The following GRID2 variants were observed in gnomAD, a reference collection of about 807,000 sequenced individuals.
GRID2 encodes the protein glutamate ionotropic receptor delta type subunit 2, also known as glutamate receptor ionotropic, delta-2.
In GRID2, 33 loss-of-function variants were observed where a neutral mutation model predicts 114.8. That is an observed-to-expected ratio of 0.29 (90% CI 0.22 to 0.38). The LOEUF is 0.38. Ranked by LOEUF, GRID2 falls within the 10% of genes least tolerant of loss-of-function variation. The pLI is 1.00. For synonymous variants in GRID2, 505 were observed against 449.9 expected (o/e 1.12, Z -1.55); for missense variants, 1,184 against 1,257.7 (o/e 0.94, Z 0.89).
chr4:92,611,688 G>A (rs1257916720), intron 2 of GRID2, among the ~76,000 whole-genome samples: 2 of 151,422 alleles, frequency 1.3e-5, no homozygotes, highest in Non-Finnish European at 3.0e-5. Context: ...TCACATTTTT[G>A]CCACTTTTGT....
chr4:92,627,769 T>C (rs1173266240), intron 2 of GRID2, among the ~76,000 whole-genome samples: 1 of 152,172 alleles, frequency 6.6e-6, no homozygotes, highest in Non-Finnish European at 1.5e-5. Context: ...CAACACACTT[T>C]TAGGTTTGCC....
intron 2 of GRID2, among the ~76,000 whole-genome samples, chr4:93,056,941 T>C (rs1167593543): frequency 1.3e-5 from 2 of 152,036 alleles, no homozygotes; most frequent in African/African-American, 4.8e-5. Flanking sequence ...AGGATCATTA[T>C]AATAGAAAAT....
intron 2 of GRID2, among the ~76,000 whole-genome samples, chr4:92,758,501 A>C (rs1737837612): frequency 6.6e-6 from 1 of 152,092 alleles, no homozygotes; most frequent in Non-Finnish European, 1.5e-5. Flanking sequence ...GCCTGACTAC[A>C]ACAGGTTAAA....
chr4:93,478,620 C>T (rs916677723), intron 11 of GRID2, among the ~76,000 whole-genome samples: 1 of 151,268 alleles, frequency 6.6e-6, no homozygotes, highest in African/African-American at 2.4e-5. Flanking sequence ...TAACTAACTA[C>T]ATATTAAATT....
chr4:92,527,234 C>A (rs983974202), intron 1 of GRID2, among the ~76,000 whole-genome samples: 2 of 152,080 alleles, frequency 1.3e-5, no homozygotes, highest in Admixed American at 1.3e-4. Flanking sequence ...TAACCTCTTA[C>A]AATTTGAATA....
intron 4 of GRID2, among the ~76,000 whole-genome samples, chr4:93,118,721 G>A (rs933862996): frequency 6.6e-6 from 1 of 152,102 alleles, no homozygotes; most frequent in Non-Finnish European, 1.5e-5. Flanking sequence ...GGCAAATGAA[G>A]CTGGAAAGAA....
intron 1 of GRID2, among the ~76,000 whole-genome samples, chr4:92,437,871 G>A (rs1732815217): frequency 6.6e-6 from 1 of 152,142 alleles, no homozygotes; most frequent in African/African-American, 2.4e-5. Context: ...TAGATGTTTT[G>A]TTGCTTATTA....
At chr4:93,352,764 C>T (rs1193610193) in intron 8 of GRID2, among the ~76,000 whole-genome samples, 1 of 151,988 alleles carries the variant, frequency 6.6e-6, no homozygotes, top group African/African-American at 2.4e-5. Flanking sequence ...TAAATGTATT[C>T]CTAAAGAGCA....
intron 13 of GRID2, among the ~76,000 whole-genome samples, chr4:93,520,417 T>G (rs1221877704): frequency 1.3e-5 from 2 of 151,894 alleles, no homozygotes; most frequent in African/African-American, 4.8e-5. Context: ...GAGAAACTGA[T>G]GTTTGAATGG....
intron 14 of GRID2, among the ~76,000 whole-genome samples, chr4:93,740,406 T>G (rs906419855): frequency 3.3e-5 from 5 of 152,174 alleles, no homozygotes; most frequent in African/African-American, 1.2e-4. Flanking sequence ...CTGGGTAGTT[T>G]TTGGGAACTG....
At chr4:93,671,596 A>T (rs978951438) in intron 14 of GRID2, among the ~76,000 whole-genome samples, 1 of 152,188 alleles carries the variant, frequency 6.6e-6, no homozygotes, top group African/African-American at 2.4e-5. Flanking sequence ...CCTCACAGGG[A>T]TGTTTGTCAA....
In GRID2 at chr4:92,806,166, G is replaced by GACACACACACAC. The variant is rs56070810; in HGVS notation, c.244+215915_244+215926dup. On this transcript the variant is annotated intron_variant, in intron 2 of 15. Coordinates refer to ENST00000282020, the MANE Select transcript of GRID2 (RefSeq NM_001510.4). ...CAAATCTATTAGAAAATAGGCTATC[G>GACACACACACAC]ACACACACACACACACACACACACA... is the stretch of plus-strand genomic sequence containing the variant. Among the ~76,000 whole-genome samples, 200 of 133,328 alleles carry GACACACACACAC rather than the reference G, an allele frequency of 1.5e-3. 1 individual carries two copies. The highest frequency in any genetic ancestry group is 5.1e-3 in the African/African-American group (185 of 36,366). The allele number at this position is 133,328 out of a possible 152,430, so 87.5% of individuals were successfully genotyped here. A position where few individuals can be genotyped will look rare whatever the true frequency, so the allele number is the denominator to read the frequency against.
chr4:93,283,736 G>T (rs973083423), intron 8 of GRID2, among the ~76,000 whole-genome samples: 4 of 152,010 alleles, frequency 2.6e-5, no homozygotes, highest in African/African-American at 9.7e-5. Flanking sequence ...TTCAAAATAT[G>T]TAAATCCCCA....
rs929960469 is a variant in GRID2 at position 93,681,029 on chromosome 4, C to G, written c.2360+54594C>G. Among the ~76,000 whole-genome samples, 16 of 151,514 alleles carry G rather than the reference C, an allele frequency of 1.1e-4. 1 individual carries two copies. The highest frequency in any genetic ancestry group is 3.7e-4 in the African/African-American group (15 of 40,994). On this transcript the variant is annotated intron_variant, in intron 14 of 15. Coordinates refer to ENST00000282020, the MANE Select transcript of GRID2 (RefSeq NM_001510.4). ...ATGACATGATTGTATATCTAGAAAA[C>G]CCCATTGTCTCAGCCCAAAATCTCC... is the stretch of plus-strand genomic sequence containing the variant.
intron 2 of GRID2, among the ~76,000 whole-genome samples, chr4:92,857,119 A>G (rs1744230829): frequency 6.6e-6 from 1 of 152,158 alleles, no homozygotes; most frequent in Non-Finnish European, 1.5e-5. Flanking sequence ...TGCTCCAGCA[A>G]TGGATTGTTC....
At chr4:93,144,436 C>G (rs1167320022) in intron 4 of GRID2, among the ~76,000 whole-genome samples, 1 of 152,130 alleles carries the variant, frequency 6.6e-6, no homozygotes, top group Non-Finnish European at 1.5e-5. Flanking sequence ...TTTCTGACAC[C>G]AAATCCTGTG....
At position 92,902,342 on chromosome 4, in the gene GRID2, C is replaced by T. The variant is rs142703476; in HGVS notation, c.245-182653C>T. 9.9e-5 allele frequency among the ~76,000 whole-genome samples: 15 copies of T among 152,042 alleles called. No individual in the cohort carries two copies. In the East Asian group the frequency reaches 2.5e-3, roughly 26 times the overall value. On this transcript the variant is annotated intron_variant, in intron 2 of 15. Transcript: ENST00000282020. ...ATTTGAATCTTCTCTCATTGTTTCT[C>T]GCTTAATGTAGCTAGTGGTCTATCA...
chr4:92,789,148 C>G (rs953543896), intron 2 of GRID2, among the ~76,000 whole-genome samples: 1 of 151,682 alleles, frequency 6.6e-6, no homozygotes, highest in African/African-American at 2.4e-5. Flanking sequence ...CTTGAGAAAC[C>G]TTGAGAAACC....
chr4:92,915,113 C>T (rs1382740460), intron 2 of GRID2, among the ~76,000 whole-genome samples: 1 of 151,946 alleles, frequency 6.6e-6, no homozygotes, highest in Non-Finnish European at 1.5e-5. Flanking sequence ...TAGTGCTGAG[C>T]GAAGGGGGAA....
Sources: allele counts gnomAD v4.1 joint callset (sites outside exome capture counted in the v4.1 genomes callset), GRCh38; gene constraint gnomAD v4.1.1; transcripts MANE v1.5; gene names NCBI Gene and HGNC (gene_info 2026-07-23, HGNC 2026-07-21).